Variants in EHBP1 observed in about 807,000 individuals in gnomAD.
The protein encoded by EHBP1 is EH domain-binding protein 1.
Under a neutral mutation model 144.0 loss-of-function variants are expected in EHBP1, and 55 were observed. The ratio of observed to expected loss-of-function variants is 0.38; its 90% confidence interval spans 0.31 to 0.48. EHBP1 has a LOEUF of 0.48. Ranked by LOEUF, EHBP1 falls within the 20% of genes least tolerant of loss-of-function variation. The pLI is 0.98. For missense variants in EHBP1, 1,200 were observed against 1,364.2 expected (o/e 0.88, Z 1.90); for synonymous variants, 469 against 472.7 (o/e 0.99, Z 0.10).
rs146714446 is a variant in EHBP1, at chr2:62,761,173, T to C, written c.163-3093T>C. On this transcript the variant is annotated intron_variant, in intron 3 of 22. Coordinates refer to ENST00000431489, the MANE Select transcript of EHBP1 (RefSeq NM_001142616.3). ...TCTAGGGTGCACAGAAATTTACTTT[T>C]CAAAATGGAGATTGTTTACTTTGTG... 5.4e-4 allele frequency among the ~76,000 whole-genome samples: 82 copies of C among 152,240 alleles called. 1 individual carries two copies. The highest frequency in any genetic ancestry group is 2.3e-3 in the South Asian group (11 of 4,820).
intron 21 of EHBP1, among the ~76,000 whole-genome samples, chr2:63,041,673 G>A (rs1460922546): frequency 6.6e-6 from 1 of 152,160 alleles, no homozygotes. Context: ...TCCATAGATT[G>A]ATTAGGTACA....
intron 10 of EHBP1, among the ~76,000 whole-genome samples, chr2:62,874,881 C>A (rs1050738067): frequency 1.3e-5 from 2 of 152,160 alleles, no homozygotes; most frequent in African/African-American, 2.4e-5. Context: ...CCCACCGCCT[C>A]CCCACACCAC....
At chr2:62,906,278 G>A (rs189694744) in intron 10 of EHBP1, among the ~76,000 whole-genome samples, 126 of 151,446 alleles carry the variant, frequency 8.3e-4, no homozygotes, top group Admixed American at 2.2e-3. Flanking sequence ...ATACGTGTCC[G>A]TCTATTTTCA....
intron 3 of EHBP1, among the ~76,000 whole-genome samples, chr2:62,762,506 C>T (rs559860017): frequency 3.9e-5 from 6 of 152,280 alleles, no homozygotes; most frequent in African/African-American, 1.4e-4. Flanking sequence ...TGAAATGGAG[C>T]TTCTGAACTT....
chr2:62,741,315 C>G (rs1420394974), intron 2 of EHBP1, among the ~76,000 whole-genome samples: 3 of 152,104 alleles, frequency 2.0e-5, no homozygotes, highest in African/African-American at 7.2e-5. Context: ...CTTGTAACGC[C>G]TCTCGTGATT....
chr2:62,963,709 A>G (rs1431267112), intron 14 of EHBP1, among the ~76,000 whole-genome samples: 1 of 152,214 alleles, frequency 6.6e-6, no homozygotes, highest in Non-Finnish European at 1.5e-5. Context: ...ATCACTTATT[A>G]AAAAATCTAA....
intron 5 of EHBP1, among the ~76,000 whole-genome samples, chr2:62,816,259 A>T (rs1171354945): frequency 2.6e-5 from 4 of 152,258 alleles, no homozygotes; most frequent in African/African-American, 9.6e-5. Context: ...GACATTGAAG[A>T]GATTTACAAA....
At position 62,930,276 on chromosome 2, in the gene EHBP1, C is replaced by G. The variant is rs905389341; in HGVS notation, c.1186-12442C>G. On this transcript the variant is annotated intron_variant, in intron 10 of 22. Coordinates refer to ENST00000431489, the MANE Select transcript of EHBP1 (RefSeq NM_001142616.3). ...ACAAAACAAAACAAAAAAACAAAAA[C>G]AGTAGCATCAAAAAGAATTAAATAT... Among the ~76,000 whole-genome samples, 72 of 152,080 alleles carry G rather than the reference C, an allele frequency of 4.7e-4. 1 individual carries two copies. Among genetic ancestry groups the G allele is most frequent in the Non-Finnish European group, 7.4e-5 (5 of 67,958 alleles).
intron 2 of EHBP1, among the ~76,000 whole-genome samples, chr2:62,718,120 C>T (rs1249703944): frequency 1.3e-5 from 2 of 152,050 alleles, no homozygotes; most frequent in Non-Finnish European, 2.9e-5. Context: ...AGACTCAGAA[C>T]CACTGTTAAA....
At chr2:62,841,557 G>T (rs1445852890) in intron 7 of EHBP1, among the ~76,000 whole-genome samples, 1 of 152,090 alleles carries the variant, frequency 6.6e-6, no homozygotes, top group Non-Finnish European at 1.5e-5. Context: ...GATGCAGTAT[G>T]ATTCTCTTCT....
intron 3 of EHBP1, among the ~76,000 whole-genome samples, chr2:62,751,489 C>T (rs2039713466): frequency 6.6e-6 from 1 of 152,174 alleles, no homozygotes; most frequent in Non-Finnish European, 1.5e-5. Flanking sequence ...CAGGATGATG[C>T]TGGCCTCATA....
chr2:62,753,900 TTTC>T (rs767145322), intron 3 of EHBP1, among the ~76,000 whole-genome samples: 67 of 152,336 alleles, frequency 4.4e-4, no homozygotes, highest in Non-Finnish European at 7.9e-4. Context: ...TCGTCTAATC[TTTC>T]TTCAAAGTTT....
intron 5 of EHBP1, among the ~76,000 whole-genome samples, chr2:62,777,635 A>G (rs1451059433): frequency 6.6e-6 from 1 of 152,170 alleles, no homozygotes; most frequent in East Asian, 1.9e-4. Context: ...TGACTGCTAT[A>G]TAAAATAATC....
At chr2:62,904,704 A>T (rs1390346623) in intron 10 of EHBP1, among the ~76,000 whole-genome samples, 5 of 152,068 alleles carry the variant, frequency 3.3e-5, no homozygotes, top group Non-Finnish European at 7.4e-5. Context: ...TTGAGATCTA[A>T]CTCAAGTGAC....
At chr2:62,970,930 T>C (rs1466874761) in intron 14 of EHBP1, among the ~76,000 whole-genome samples, 1 of 152,144 alleles carries the variant, frequency 6.6e-6, no homozygotes, top group Non-Finnish European at 1.5e-5. Flanking sequence ...ATTGAAGCAG[T>C]GGAAGAAAGC....
chr2:62,792,715 G>T (rs2043243395), intron 5 of EHBP1, among the ~76,000 whole-genome samples: 1 of 151,948 alleles, frequency 6.6e-6, no homozygotes, highest in Non-Finnish European at 1.5e-5. Context: ...CCAGCAAGAT[G>T]CTATGTGTTT....
intron 13 of EHBP1, among the ~76,000 whole-genome samples, chr2:62,953,877 AGCT>A (rs1171747402): frequency 1.3e-5 from 2 of 152,156 alleles, no homozygotes; most frequent in African/African-American, 4.8e-5. Flanking sequence ...CTGTCCATGT[AGCT>A]GGTTGGAATT....
At chr2:62,831,184 A>G (rs1414280185) in intron 7 of EHBP1, 26 bp downstream of exon 7, 2 of 1,567,804 alleles carry the variant, frequency 1.3e-6, no homozygotes. Context: ...ATTAAACTAA[A>G]AGTTTATCTT....
chr2:62,912,452 T>C (rs1054926785), intron 10 of EHBP1, among the ~76,000 whole-genome samples: 3 of 152,144 alleles, frequency 2.0e-5, no homozygotes, highest in African/African-American at 7.2e-5. Context: ...CTTGGGAGGC[T>C]GAGGTAGGGG....
Sources: gnomAD v4.1 joint callset for allele counts (sites outside exome capture counted in the v4.1 genomes callset) on GRCh38, gnomAD v4.1.1 for gene constraint, MANE v1.5 for transcripts, NCBI Gene and HGNC (gene_info 2026-07-23, HGNC 2026-07-21) for gene names.